DCLK1: variants seen among roughly 807,000 people sequenced by gnomAD.
DCLK1 encodes serine/threonine-protein kinase DCLK1.
DCLK1 carries 16 observed loss-of-function variants against 86.2 expected under a neutral mutation model. That is an observed-to-expected ratio of 0.19 (90% CI 0.13 to 0.28). The LOEUF (loss-of-function observed/expected upper bound fraction) is 0.28. DCLK1 is among the 10% of genes least tolerant of loss of function. The pLI, the probability that DCLK1 is intolerant of heterozygous loss-of-function variation, is 1.00. For missense variants in DCLK1, 590 were observed against 940.2 expected, an observed-to-expected ratio of 0.63 and a Z score of 4.87; for synonymous variants, 369 against 370.5, an observed-to-expected ratio of 1.00 and a Z score of 0.05.
intron 3 of DCLK1, among the ~76,000 whole-genome samples, chr13:35,965,321 T>C (rs922864180): frequency 2.6e-5 from 4 of 152,182 alleles, no homozygotes; most frequent in African/African-American, 9.7e-5. Flanking sequence ...GCGTTGGCCA[T>C]TTGTATTTAT....
chr13:35,976,571 C>T (rs1879350662), intron 3 of DCLK1, among the ~76,000 whole-genome samples: 1 of 102,060 alleles, frequency 9.8e-6, no homozygotes, highest in Non-Finnish European at 2.3e-5. Context: ...CGCTCTGTCG[C>T]CCAGGCTGGA....
At chr13:35,854,047 C>A (rs1870863084) in intron 6 of DCLK1, among the ~76,000 whole-genome samples, 1 of 152,134 alleles carries the variant, frequency 6.6e-6, no homozygotes, top group African/African-American at 2.4e-5. Context: ...CACAAAAGCA[C>A]GTGTCATAGG....
Position 36,118,057 on chromosome 13 carries a change from T to C in DCLK1, c.377-5842A>G, listed in dbSNP as rs76934632. Among the ~76,000 whole-genome samples, 1,060 of 148,474 alleles carry C rather than the reference T, an allele frequency of 7.1e-3. 16 individuals carry two copies. Among genetic ancestry groups the C allele is most frequent in the East Asian group, 0.056 (275 of 4,926 alleles). ...CTCTGTTGCACAGTACAGAAAGGGA[T>C]ATTCTCTGATATATTAAAACATTTT... On this transcript the variant is annotated intron_variant, in intron 2 of 16. Transcript: ENST00000360631.
rs750835310 is a variant in DCLK1, at chr13:35,947,479, C to T, written c.724-22G>A. 3.7e-6 allele frequency: 6 copies of T among 1,600,274 alleles called. No homozygotes were observed. The South Asian group carries it at 5.5e-5, about 15-fold the overall frequency. On this transcript the variant is annotated intron_variant, in intron 3 of 16. Coordinates refer to ENST00000360631, the MANE Select transcript of DCLK1 (RefSeq NM_001330071.2). ...TCACCTACAAGAGAAAAGCATGGCA[C>T]TCAGCAAGGGTGGTAGAACAGCAAT...
chr13:35,977,002 G>T (rs1249770894), intron 3 of DCLK1, among the ~76,000 whole-genome samples: 1 of 152,100 alleles, frequency 6.6e-6, no homozygotes, highest in Non-Finnish European at 1.5e-5. Context: ...GTGGAATCTG[G>T]ATTATATTAT....
intron 6 of DCLK1, among the ~76,000 whole-genome samples, chr13:35,842,023 A>G (rs1245547577): frequency 6.6e-6 from 1 of 151,698 alleles, no homozygotes; most frequent in East Asian, 1.9e-4. Flanking sequence ...GCAGCCCTTC[A>G]TCATTAATGG....
intron 3 of DCLK1, among the ~76,000 whole-genome samples, chr13:36,005,680 T>C (rs1880917008): frequency 6.6e-6 from 1 of 152,194 alleles, no homozygotes; most frequent in African/African-American, 2.4e-5. Flanking sequence ...GCTAGCAGCA[T>C]GGCGGCAAGC....
chr13:35,803,471 A>G (rs977321373), intron 15 of DCLK1, among the ~76,000 whole-genome samples: 11 of 152,196 alleles, frequency 7.2e-5, no homozygotes, highest in African/African-American at 2.2e-4. Context: ...GAGAAGCCTT[A>G]AAACAAACCT....
chr13:35,778,459 T>G (rs575931135), intron 16 of DCLK1, among the ~76,000 whole-genome samples: 61 of 152,232 alleles, frequency 4.0e-4, no homozygotes, highest in African/African-American at 1.4e-3. Context: ...CACTCCCACA[T>G]TCCATGATCC....
At chr13:36,130,927 C>A (rs1487919299) in intron 1 of DCLK1, among the ~76,000 whole-genome samples, 187 bp downstream of exon 1, 8 of 152,140 alleles carry the variant, frequency 5.3e-5, no homozygotes, top group African/African-American at 1.9e-4. Context: ...ACGCAACGCC[C>A]CCGGGTCGGG....
intron 16 of DCLK1, among the ~76,000 whole-genome samples, chr13:35,793,011 T>C (rs988714255): frequency 6.6e-6 from 1 of 152,192 alleles, no homozygotes; most frequent in Non-Finnish European, 1.5e-5. Flanking sequence ...TGCCTTTCCT[T>C]TCTAGGTCCT....
intron 6 of DCLK1, among the ~76,000 whole-genome samples, chr13:35,852,003 G>A (rs1451258957): frequency 5.3e-5 from 8 of 150,988 alleles, no homozygotes; most frequent in African/African-American, 2.0e-4. Context: ...GTATGTGTGT[G>A]TGTGTGTGTG....
chr13:35,775,762 A>G (rs982270870), intron 16 of DCLK1, among the ~76,000 whole-genome samples: 1 of 152,194 alleles, frequency 6.6e-6, no homozygotes, highest in South Asian at 2.1e-4. Context: ...TTCCTCTTGA[A>G]AATTTACTGT....
chr13:36,131,866 G>A (rs1336327909), upstream of DCLK1, among the ~76,000 whole-genome samples: 1 of 152,192 alleles, frequency 6.6e-6, no homozygotes, highest in Non-Finnish European at 1.5e-5. Flanking sequence ...CCCACGCAGT[G>A]CCTCTTCGGA....
At position 36,013,602 on chromosome 13, in the gene DCLK1, C is replaced by T. The variant is rs1341992768; in HGVS notation, c.724-66145G>A. ...CTGCCCGTTCTCAGATCTCCAGCTGCGTGCTGGGAGAACCACTGCTCTCTT... is the reference window on the plus strand; with the variant it reads ...CTGCCCGTTCTCAGATCTCCAGCTGTGTGCTGGGAGAACCACTGCTCTCTT... On this transcript the variant is annotated intron_variant, in intron 3 of 16. Transcript: ENST00000360631. Among the ~76,000 whole-genome samples the T allele has an allele frequency of 5.9e-5, 9 of 152,250 alleles. No homozygotes were observed. In the East Asian group the frequency reaches 1.4e-3, roughly 23 times the overall value.
At chr13:36,091,443 A>G (rs1389703763) in intron 3 of DCLK1, among the ~76,000 whole-genome samples, 1 of 152,246 alleles carries the variant, frequency 6.6e-6, no homozygotes, top group South Asian at 2.1e-4. Context: ...GGCAGGGACC[A>G]TAACTCACCC....
At chr13:36,121,772 T>C (rs1198832862) in intron 2 of DCLK1, among the ~76,000 whole-genome samples, 2 of 152,152 alleles carry the variant, frequency 1.3e-5, no homozygotes, top group East Asian at 3.9e-4. Context: ...TTGCTGTATA[T>C]GTGTCCTTCA....
intron 3 of DCLK1, among the ~76,000 whole-genome samples, chr13:36,050,615 T>C (rs1415018119): frequency 6.6e-6 from 1 of 152,182 alleles, no homozygotes; most frequent in Non-Finnish European, 1.5e-5. Flanking sequence ...TTAGGCCCCA[T>C]TATTTCATTC....
chr13:36,036,591 A>C (rs1164719811), intron 3 of DCLK1, among the ~76,000 whole-genome samples: 1 of 152,194 alleles, frequency 6.6e-6, no homozygotes, highest in East Asian at 1.9e-4. Context: ...TTTTGAACCC[A>C]AAAGGATATA....
Sources: gnomAD v4.1 joint callset for allele counts (sites outside exome capture counted in the v4.1 genomes callset) on GRCh38, gnomAD v4.1.1 for gene constraint, MANE v1.5 for transcripts, NCBI Gene and HGNC (gene_info 2026-07-23, HGNC 2026-07-21) for gene names.